TRPC3: variants seen among roughly 807,000 people sequenced by gnomAD.
The protein encoded by TRPC3 is short transient receptor potential channel 3.
TRPC3 carries 54 observed loss-of-function variants against 90.9 expected under a neutral mutation model. That is an observed-to-expected ratio of 0.59 (90% CI 0.48 to 0.75). The LOEUF (loss-of-function observed/expected upper bound fraction) is 0.75, where lower values mean the gene tolerates loss of function less well. TRPC3 is among the 30% of genes least tolerant of loss of function. TRPC3 has a pLI of 0.00. For synonymous variants in TRPC3, 424 were observed against 450.9 expected, an observed-to-expected ratio of 0.94 and a Z score of 0.75; for missense variants, 918 against 1,194.5, an observed-to-expected ratio of 0.77 and a Z score of 3.41.
At chr4:121,926,148 C>G (rs769910964) in intron 2 of TRPC3, among the ~76,000 whole-genome samples, 1 of 152,174 alleles carries the variant, frequency 6.6e-6, no homozygotes, top group East Asian at 1.9e-4. Flanking sequence ...CAAAAGACTG[C>G]AAAAACCATA....
Position 121,951,328 on chromosome 4 carries a change from C to T in TRPC3, c.215+138G>A. On this transcript the variant is annotated intron_variant, in intron 1 of 11. Transcript: ENST00000379645. The surrounding 1 kb of genome is among the most constrained non-coding windows in gnomAD (Gnocchi z 4.4). ...CGAGGTCTGTCCCCTCCAAATCACT[C>T]CAAATCGAACTGCCTGGCCGTACCA... 1 of 522,062 alleles carries T rather than the reference C, an allele frequency of 1.9e-6. No homozygotes were observed. The highest frequency in any genetic ancestry group is 2.6e-6 in the Non-Finnish European group (1 of 378,654). The allele number at this position is 522,062 out of a possible 1,614,324, so 32.3% of individuals were successfully genotyped here.
chr4:121,895,801 C>A (rs78345842), intron 10 of TRPC3, among the ~76,000 whole-genome samples: 5,669 of 152,058 alleles, frequency 0.037, 357 homozygotes, highest in African/African-American at 0.13. Context: ...TCAAACTAAT[C>A]GAAAAAATTA....
chr4:121,945,047 T>A (rs1241238763), intron 1 of TRPC3, among the ~76,000 whole-genome samples: 1 of 152,224 alleles, frequency 6.6e-6, no homozygotes, highest in Non-Finnish European at 1.5e-5. Context: ...AAACATTCTA[T>A]TATTCTTCAA....
chr4:121,899,753 T>TATA, intron 9 of TRPC3, 58 bp from the exon 10 acceptor site: 1 of 1,290,616 alleles, frequency 7.7e-7, no homozygotes, highest in Non-Finnish European at 1.1e-6. Context: ...GAATAAAAAA[T>TATA]ATAATCCATT....
chr4:121,911,426 A>T (rs756699507), intron 5 of TRPC3, among the ~76,000 whole-genome samples: 6 of 152,212 alleles, frequency 3.9e-5, no homozygotes, highest in Non-Finnish European at 8.8e-5. Context: ...TAAAAATAGT[A>T]AAAACCACAG....
chr4:121,920,896 C>A (rs953674633), intron 3 of TRPC3, among the ~76,000 whole-genome samples: 6 of 152,080 alleles, frequency 3.9e-5, no homozygotes, highest in Non-Finnish European at 8.8e-5. Flanking sequence ...TCCTAGTATG[C>A]CCTTCACTTT....
intron 1 of TRPC3, among the ~76,000 whole-genome samples, chr4:121,935,704 GTA>G (rs1247262797): frequency 6.6e-6 from 1 of 151,962 alleles, no homozygotes; most frequent in African/African-American, 2.4e-5. Context: ...TATATGTGGA[GTA>G]TATATGTCAG....
At chr4:121,950,271 C>T (rs1250678406) in intron 1 of TRPC3, among the ~76,000 whole-genome samples, 2 of 152,224 alleles carry the variant, frequency 1.3e-5, no homozygotes, top group Non-Finnish European at 2.9e-5. Flanking sequence ...AGACTCTGCG[C>T]GCGCGGAGCA....
intron 3 of TRPC3, among the ~76,000 whole-genome samples, chr4:121,921,037 G>C (rs1398867107): frequency 1.3e-5 from 2 of 151,998 alleles, no homozygotes; most frequent in South Asian, 2.1e-4. Flanking sequence ...TTAAATTCAC[G>C]GTCATGTATC....
intron 1 of TRPC3, among the ~76,000 whole-genome samples, chr4:121,948,928 G>T (rs1185485338): frequency 6.7e-6 from 1 of 150,170 alleles, no homozygotes; most frequent in African/African-American, 2.5e-5. Context: ...AACTGCTCAT[G>T]CCCAGTCTCA....
intron 3 of TRPC3, among the ~76,000 whole-genome samples, chr4:121,923,256 C>A (rs1041013992): frequency 6.6e-6 from 1 of 152,182 alleles, no homozygotes; most frequent in African/African-American, 2.4e-5. Flanking sequence ...CAGAATTGTT[C>A]TGTTTGGGCC....
intron 8 of TRPC3, 58 bp from the exon 9 acceptor site, chr4:121,903,119 G>A (rs1728760692): frequency 6.9e-7 from 1 of 1,457,114 alleles, no homozygotes; most frequent in South Asian, 1.3e-5. Flanking sequence ...TCTAGTGACT[G>A]TTGCTAATAG....
Position 121,951,423 on chromosome 4 carries a change from A to G in TRPC3, c.215+43T>C. The stretch of plus-strand genomic sequence containing the variant: ...CGCGCCTTCCCGCCCCCCGCCCGGC[A>G]CCGCCCTCCGAGGCGCGGGCCGCGG... On this transcript the variant is annotated intron_variant, in intron 1 of 11. Transcript: ENST00000379645. The surrounding 1 kb of genome is among the most constrained non-coding windows in gnomAD (Gnocchi z 4.4). The G allele has an allele frequency of 8.7e-7, 1 of 1,153,160 alleles. No homozygotes were observed. Among genetic ancestry groups the G allele is most frequent in the Non-Finnish European group, 1.1e-6 (1 of 935,390 alleles). The allele number at this position is 1,153,160 out of a possible 1,614,324, so 71.4% of individuals were successfully genotyped here.
intron 6 of TRPC3, among the ~76,000 whole-genome samples, chr4:121,908,708 T>C (rs753994924): frequency 6.6e-6 from 1 of 151,908 alleles, no homozygotes; most frequent in Non-Finnish European, 1.5e-5. Flanking sequence ...ATAGCAACAA[T>C]GAAACTGGAA....
Position 121,941,122 on chromosome 4 carries a change from T to G in TRPC3, c.216-8080A>C, listed in dbSNP as rs192386950. Among the ~76,000 whole-genome samples, 10 of 152,316 alleles carry G rather than the reference T, an allele frequency of 6.6e-5. No individual in the cohort carries two copies. In the East Asian group the frequency reaches 1.9e-3, roughly 29 times the overall value. On this transcript the variant is annotated intron_variant, in intron 1 of 11. Coordinates refer to ENST00000379645, the MANE Select transcript of TRPC3 (RefSeq NM_001130698.2). ...ATCCAAGTATCACTATTAAAATGCA[T>G]GCTGAGCTTATGTGTCAGAACATTT...
At chr4:121,912,661 G>T (rs1365883847) in intron 4 of TRPC3, among the ~76,000 whole-genome samples, 1 of 152,130 alleles carries the variant, frequency 6.6e-6, no homozygotes, top group Non-Finnish European at 1.5e-5. Context: ...GATGAATATT[G>T]TATCTGTTAC....
intron 11 of TRPC3, among the ~76,000 whole-genome samples, chr4:121,881,030 T>C (rs540462653): frequency 3.3e-5 from 5 of 152,038 alleles, no homozygotes; most frequent in Admixed American, 2.0e-4. Context: ...TTTGAAATCA[T>C]GAGGCAGACT....
intron 3 of TRPC3, among the ~76,000 whole-genome samples, chr4:121,919,281 G>A (rs1306094527): frequency 6.6e-6 from 1 of 152,146 alleles, no homozygotes; most frequent in African/African-American, 2.4e-5. Context: ...CACAAGAACT[G>A]TCTTCATGGG....
chr4:121,896,763 T>C (rs750025053), intron 10 of TRPC3, among the ~76,000 whole-genome samples: 10 of 152,084 alleles, frequency 6.6e-5, no homozygotes, highest in Non-Finnish European at 1.5e-4. Flanking sequence ...AAAATACCAA[T>C]GACATTATTC....
Sources: allele counts gnomAD v4.1 joint callset (sites outside exome capture counted in the v4.1 genomes callset), GRCh38; gene constraint gnomAD v4.1.1; non-coding constraint Gnocchi (gnomAD v3.1); transcripts MANE v1.5; gene names NCBI Gene and HGNC (gene_info 2026-07-23, HGNC 2026-07-21).